The following RABGAP1L variants were observed in gnomAD, a reference collection of about 807,000 sequenced individuals.
RABGAP1L encodes rab GTPase-activating protein 1-like.
Under a neutral mutation model 137.7 loss-of-function variants are expected in RABGAP1L, and 63 were observed. That is an observed-to-expected ratio of 0.46 (90% CI 0.37 to 0.56). The LOEUF is 0.56. Among genes scored for constraint, RABGAP1L ranks in the 20% least tolerant of loss-of-function variants. The pLI is 0.00. For missense variants in RABGAP1L, 1,095 were observed against 1,244.0 expected, an observed-to-expected ratio of 0.88 and a Z score of 1.80; for synonymous variants, 431 against 433.7, an observed-to-expected ratio of 0.99 and a Z score of 0.08.
At chr1:174,381,128 G>T (rs1219517259) in intron 12 of RABGAP1L, among the ~76,000 whole-genome samples, 1 of 124,620 alleles carries the variant, frequency 8.0e-6, no homozygotes, top group Non-Finnish European at 1.7e-5. Context: ...CTGAGTTCTA[G>T]TTTGATTGCA....
rs542342867 is a variant in RABGAP1L at position 174,937,284 on chromosome 1, TA to T, written c.2341-20171del. On this transcript the variant is annotated intron_variant, in intron 19 of 25. Transcript: ENST00000681986. ...GTGAGCTACCAAGCCCAGCCAAGAT[TA>T]ATTTTTTTTTCTTTTTGAGACAGAG... Among the ~76,000 whole-genome samples, 10 of 146,598 alleles carry T rather than the reference TA, an allele frequency of 6.8e-5. No individual in the cohort carries two copies. The East Asian group carries it at 2.0e-3, about 29-fold the overall frequency.
At position 174,874,578 on chromosome 1, in the gene RABGAP1L, CTTTTTTTTTTTTT is replaced by C. The variant is rs10530813; in HGVS notation, c.2340+62631_2340+62643del. 1.4e-3 allele frequency: 321 copies of C among 232,722 alleles called. 2 individuals are homozygous for C. Among genetic ancestry groups the C allele is most frequent in the Middle Eastern group, 5.0e-3 (2 of 398 alleles). The allele number at this position is 232,722 out of a possible 1,614,324, so 14.4% of individuals were successfully genotyped here. ...CTCAGGTAATTCTCCACACCACTGC[CTTTTTTTTTTTTT>C]TTTTTTTTTTTTCCAATGCAGTTGC... On this transcript the variant is annotated intron_variant, in intron 19 of 25. Transcript: ENST00000681986.
chr1:174,811,809 G>A (rs1333841135), intron 18 of RABGAP1L, 23 bp from the exon 19 acceptor site: 23 of 1,513,600 alleles, frequency 1.5e-5, no homozygotes, highest in Admixed American at 4.3e-5. Flanking sequence ...ATGTAATGAC[G>A]ATTCTTGATG....
intron 17 of RABGAP1L, among the ~76,000 whole-genome samples, chr1:174,737,341 A>C (rs541363201): frequency 3.9e-5 from 6 of 152,120 alleles, no homozygotes; most frequent in Non-Finnish European, 8.8e-5. Flanking sequence ...AATCCCTAGG[A>C]CTCAGACACG....
intron 1 of RABGAP1L, among the ~76,000 whole-genome samples, chr1:174,162,789 T>G (rs1664599760): frequency 2.8e-5 from 4 of 140,852 alleles, no homozygotes; most frequent in African/African-American, 7.9e-5. Flanking sequence ...TTTTTTTTTT[T>G]TTTTTTTTTT....
chr1:174,486,918 T>G (rs1659731225), intron 13 of RABGAP1L, among the ~76,000 whole-genome samples: 1 of 152,220 alleles, frequency 6.6e-6, no homozygotes, highest in Non-Finnish European at 1.5e-5. Flanking sequence ...ATTGTTTAAT[T>G]TCATGTATTT....
rs140914050 is a variant in RABGAP1L, at chr1:174,298,944, G to T, written c.1324-6042G>T. Among the ~76,000 whole-genome samples the T allele has an allele frequency of 2.4e-3, 369 of 152,298 alleles. 1 individual carries two copies. Among genetic ancestry groups the T allele is most frequent in the Middle Eastern group, 0.014 (4 of 294 alleles). ...GCTGGTTAGTTCACAGGAACAAGCA[G>T]GGTTAGTCTAAAATGTAGGTGAAAA... On this transcript the variant is annotated intron_variant, in intron 10 of 25. Transcript: ENST00000681986.
At position 174,329,585 on chromosome 1, in the gene RABGAP1L, A is replaced by G. The variant is rs2860910; in HGVS notation, c.1465+24458A>G. 9.1e-3 allele frequency among the ~76,000 whole-genome samples: 1,392 copies of G among 152,306 alleles called. 22 individuals are homozygous for G. Among genetic ancestry groups the G allele is most frequent in the African/African-American group, 0.032 (1,336 of 41,568 alleles). ...AGTATAGTTGTAAAAAAAATAAAAT[A>G]CTAGCAATAAAGATTCAAAAGCCCA... On this transcript the variant is annotated intron_variant, in intron 11 of 25. Coordinates refer to ENST00000681986, the MANE Select transcript of RABGAP1L (RefSeq NM_001366446.1).
intron 13 of RABGAP1L, among the ~76,000 whole-genome samples, chr1:174,584,076 A>G (rs1043867944): frequency 2.6e-5 from 4 of 152,168 alleles, no homozygotes; most frequent in Non-Finnish European, 5.9e-5. Context: ...TATTGTGCCT[A>G]AAGAAGATTG....
chr1:174,384,185 C>T (rs1686522710), intron 12 of RABGAP1L, among the ~76,000 whole-genome samples: 1 of 152,188 alleles, frequency 6.6e-6, no homozygotes, highest in African/African-American at 2.4e-5. Context: ...TGACTTAATA[C>T]TATGTTATTC....
At chr1:174,179,211 C>G (rs1291528046) in intron 1 of RABGAP1L, among the ~76,000 whole-genome samples, 2 of 151,930 alleles carry the variant, frequency 1.3e-5, no homozygotes, top group Non-Finnish European at 2.9e-5. Flanking sequence ...TTATCATTGG[C>G]AACAAATACT....
chr1:174,874,577 CCT>C (rs1652764424), intron 19 of RABGAP1L: 2 of 526,994 alleles, frequency 3.8e-6, no homozygotes, highest in Non-Finnish European at 4.6e-6. Context: ...CACACCACTG[CCT>C]TTTTTTTTTT....
At chr1:174,776,437 C>T (rs1372091378) in intron 18 of RABGAP1L, among the ~76,000 whole-genome samples, 1 of 152,102 alleles carries the variant, frequency 6.6e-6, no homozygotes, top group Non-Finnish European at 1.5e-5. Flanking sequence ...TCCTAGGGAG[C>T]TGCACACTTT....
chr1:174,491,059 A>G (rs563538071), intron 13 of RABGAP1L, among the ~76,000 whole-genome samples: 18 of 152,020 alleles, frequency 1.2e-4, no homozygotes, highest in East Asian at 1.9e-4. Flanking sequence ...CTCATGCTCT[A>G]TCTCCCTGTG....
At chr1:174,951,000 C>T (rs1253728035) in intron 19 of RABGAP1L, among the ~76,000 whole-genome samples, 2 of 152,160 alleles carry the variant, frequency 1.3e-5, no homozygotes, top group Non-Finnish European at 2.9e-5. Context: ...GTGACTGGCC[C>T]AATGTTAAAA....
At chr1:174,315,846 C>T (rs1480358474) in intron 11 of RABGAP1L, among the ~76,000 whole-genome samples, 2 of 152,038 alleles carry the variant, frequency 1.3e-5, no homozygotes, top group Non-Finnish European at 2.9e-5. Flanking sequence ...CTTTCTCTAC[C>T]TCCTCTTTAA....
chr1:174,980,493 A>C (rs941015405), intron 23 of RABGAP1L, among the ~76,000 whole-genome samples: 2 of 152,242 alleles, frequency 1.3e-5, no homozygotes, highest in African/African-American at 4.8e-5. Context: ...TTCAAAGGCG[A>C]TGTAAGACTT....
intron 15 of RABGAP1L, among the ~76,000 whole-genome samples, chr1:174,693,919 ATGAGATACAT>A (rs1679056680): frequency 6.6e-6 from 1 of 152,224 alleles, no homozygotes; most frequent in Non-Finnish European, 1.5e-5. Context: ...CAAATGGCAA[ATGAGATACAT>A]ATATTCAGTC....
intron 13 of RABGAP1L, among the ~76,000 whole-genome samples, chr1:174,537,447 AG>A (rs756796301): frequency 9.2e-5 from 14 of 152,158 alleles, no homozygotes; most frequent in Non-Finnish European, 1.8e-4. Context: ...TATTTTCCTA[AG>A]GAACACCCCA....
Sources: gnomAD v4.1 joint callset for allele counts (sites outside exome capture counted in the v4.1 genomes callset) on GRCh38, gnomAD v4.1.1 for gene constraint, MANE v1.5 for transcripts, NCBI Gene and HGNC (gene_info 2026-07-23, HGNC 2026-07-21) for gene names.